ST6GALNAC3: variants seen among roughly 807,000 people sequenced by gnomAD.
The protein encoded by ST6GALNAC3 is ST6 N-acetylgalactosaminide alpha-2,6-sialyltransferase 3, also known as alpha-N-acetylgalactosaminide alpha-2,6-sialyltransferase 3.
Under a neutral mutation model 32.7 loss-of-function variants are expected in ST6GALNAC3, and 25 were observed. The observed-to-expected ratio is 0.76, with a 90% CI of 0.56 to 1.07. ST6GALNAC3 has a LOEUF of 1.07. ST6GALNAC3 is among the 50% of genes least tolerant of loss of function. The pLI is 0.00. For synonymous variants in ST6GALNAC3, 129 were observed against 133.1 expected, an observed-to-expected ratio of 0.97 and a Z score of 0.21; for missense variants, 355 against 382.4, an observed-to-expected ratio of 0.93 and a Z score of 0.60.
chr1:76,598,313 T>C (rs1237680931), intron 3 of ST6GALNAC3, among the ~76,000 whole-genome samples: 1 of 152,124 alleles, frequency 6.6e-6, no homozygotes, highest in African/African-American at 2.4e-5. Context: ...GCAACCAAGA[T>C]GGTGAATTCT....
At position 76,527,838 on chromosome 1, in the gene ST6GALNAC3, G is replaced by T. The variant is rs900851027; in HGVS notation, c.624-99614G>T. 2.0e-5 allele frequency among the ~76,000 whole-genome samples: 3 copies of T among 152,178 alleles called. No homozygotes were observed. In the East Asian group the frequency reaches 5.8e-4, roughly 29 times the overall value. On this transcript the variant is annotated intron_variant, in intron 3 of 4. Coordinates refer to ENST00000328299, the MANE Select transcript of ST6GALNAC3 (RefSeq NM_152996.4). ...CAAGACACCTGAAAAGGCCTTGATTGTCCCACATAAACTATAGGGAGGATA... is the reference window on the plus strand; with the variant it reads ...CAAGACACCTGAAAAGGCCTTGATTTTCCCACATAAACTATAGGGAGGATA...
chr1:76,547,699 A>G (rs1174496030), intron 3 of ST6GALNAC3, among the ~76,000 whole-genome samples: 1 of 151,986 alleles, frequency 6.6e-6, no homozygotes, highest in Non-Finnish European at 1.5e-5. Flanking sequence ...CTAAAAATAC[A>G]AAAAAGTAGC....
intron 1 of ST6GALNAC3, among the ~76,000 whole-genome samples, chr1:76,107,046 T>C (rs1438664199): frequency 1.3e-5 from 2 of 152,214 alleles, no homozygotes; most frequent in African/African-American, 2.4e-5. Flanking sequence ...CATGAGTTTA[T>C]GGAAAGAAAC....
intron 3 of ST6GALNAC3, among the ~76,000 whole-genome samples, chr1:76,527,173 C>T (rs899313943): frequency 2.0e-5 from 3 of 151,928 alleles, no homozygotes; most frequent in African/African-American, 7.3e-5. Context: ...TCAGCACATC[C>T]CCAGGTTTCG....
At chr1:76,374,932 C>A (rs1651105243) in intron 2 of ST6GALNAC3, among the ~76,000 whole-genome samples, 1 of 152,052 alleles carries the variant, frequency 6.6e-6, no homozygotes, top group Non-Finnish European at 1.5e-5. Context: ...CTGCAATGGG[C>A]ATTTGGATAT....
intron 2 of ST6GALNAC3, among the ~76,000 whole-genome samples, chr1:76,360,856 C>G (rs1165540960): frequency 1.3e-5 from 2 of 152,108 alleles, no homozygotes; most frequent in Non-Finnish European, 1.5e-5. Flanking sequence ...GTCAGAGTCT[C>G]AATTTCAAGG....
At chr1:76,445,003 A>T (rs73006152) in intron 3 of ST6GALNAC3, among the ~76,000 whole-genome samples, 1,696 of 152,306 alleles carry the variant, frequency 0.011, 30 homozygotes, top group African/African-American at 0.039. Context: ...ACCAGTACTG[A>T]CTAGAAAGTT....
At chr1:76,463,847 GT>G (rs149902196) in intron 3 of ST6GALNAC3, among the ~76,000 whole-genome samples, 1,922 of 152,206 alleles carry the variant, frequency 0.013, 41 homozygotes, top group African/African-American at 0.042. Flanking sequence ...ATCTGGTTAG[GT>G]TTAACCAGGG....
chr1:76,135,056 C>A lies in ST6GALNAC3; in HGVS notation c.18+60172C>A, dbSNP rs182988829. 1.8e-4 allele frequency among the ~76,000 whole-genome samples: 27 copies of A among 152,000 alleles called. No individual in the cohort carries two copies. The East Asian group carries it at 4.8e-3, about 27-fold the overall frequency. On this transcript the variant is annotated intron_variant, in intron 1 of 4. Transcript: ENST00000328299. ...ACTTGGAGGGCTGAGGCAGGAGAAT[C>A]ACTTGAACCCAGGAGGCAAAGGTTG...
At chr1:76,599,866 T>C (rs1216141200) in intron 3 of ST6GALNAC3, among the ~76,000 whole-genome samples, 2 of 152,014 alleles carry the variant, frequency 1.3e-5, no homozygotes, top group Admixed American at 1.3e-4. Context: ...CACACAATTT[T>C]CAGAATATAC....
intron 2 of ST6GALNAC3, among the ~76,000 whole-genome samples, chr1:76,393,524 A>G (rs755794721): frequency 7.2e-5 from 11 of 152,174 alleles, no homozygotes; most frequent in Non-Finnish European, 1.5e-4. Context: ...TTTTCTAAGT[A>G]GCATTTTTCT....
At chr1:76,553,185 G>A (rs557108347) in intron 3 of ST6GALNAC3, among the ~76,000 whole-genome samples, 3 of 152,254 alleles carry the variant, frequency 2.0e-5, no homozygotes, top group East Asian at 1.9e-4. Context: ...TTTTACATAA[G>A]TTGTTTTTAG....
At position 76,419,538 on chromosome 1, in the gene ST6GALNAC3, A is replaced by AT. The variant is rs539288208; in HGVS notation, c.623+7130dup. On this transcript the variant is annotated intron_variant, in intron 3 of 4. Coordinates refer to ENST00000328299, the MANE Select transcript of ST6GALNAC3 (RefSeq NM_152996.4). ...TTACAATTATTTCTCCTCTCCTTAG[A>AT]TTTTTTTTTGACCTATGCCTCCTTC... is the stretch of plus-strand genomic sequence containing the variant. Among the ~76,000 whole-genome samples the AT allele has an allele frequency of 8.6e-5, 13 of 151,374 alleles. No homozygotes were observed. The South Asian group carries it at 1.2e-3, about 15-fold the overall frequency.
At chr1:76,385,124 T>TA (rs904863250) in intron 2 of ST6GALNAC3, among the ~76,000 whole-genome samples, 9 of 151,864 alleles carry the variant, frequency 5.9e-5, no homozygotes, top group African/African-American at 9.7e-5. Context: ...AACACATGTT[T>TA]AAAAAAAACC....
rs183592876 is a variant in ST6GALNAC3, at chr1:76,201,366, C to T, written c.19-112439C>T. On this transcript the variant is annotated intron_variant, in intron 1 of 4. Transcript: ENST00000328299. ...TATCAAACAATCACATTGTGTGAGACTTACTCACTATCAATGAGAACAGCA... is the reference window on the plus strand; with the variant it reads ...TATCAAACAATCACATTGTGTGAGATTTACTCACTATCAATGAGAACAGCA... Among the ~76,000 whole-genome samples, 7 of 152,290 alleles carry T rather than the reference C, an allele frequency of 4.6e-5. No homozygotes were observed. In the East Asian group the frequency reaches 1.2e-3, roughly 25 times the overall value.
chr1:76,136,573 G>GTT (rs1649963160), intron 1 of ST6GALNAC3, among the ~76,000 whole-genome samples: 1 of 152,064 alleles, frequency 6.6e-6, no homozygotes, highest in African/African-American at 2.4e-5. Context: ...ATGTGTGTGT[G>GTT]TGTGCATAAA....
chr1:76,212,461 G>A (rs758292310), intron 1 of ST6GALNAC3, among the ~76,000 whole-genome samples: 1 of 151,938 alleles, frequency 6.6e-6, no homozygotes, highest in Non-Finnish European at 1.5e-5. Flanking sequence ...GGCAGCTTCC[G>A]TTTTTTTGAT....
intron 1 of ST6GALNAC3, among the ~76,000 whole-genome samples, chr1:76,113,920 G>C (rs1218141916): frequency 6.6e-6 from 1 of 151,442 alleles, no homozygotes; most frequent in Non-Finnish European, 1.5e-5. Flanking sequence ...CACCTCCCGG[G>C]TTCAAGCAAT....
At chr1:76,259,621 C>T (rs1398130199) in intron 1 of ST6GALNAC3, among the ~76,000 whole-genome samples, 1 of 152,114 alleles carries the variant, frequency 6.6e-6, no homozygotes, top group Non-Finnish European at 1.5e-5. Context: ...TTAAAAGCAA[C>T]CAACATTCTA....
Sources: allele counts gnomAD v4.1 joint callset (sites outside exome capture counted in the v4.1 genomes callset), GRCh38; gene constraint gnomAD v4.1.1; transcripts MANE v1.5; gene names NCBI Gene and HGNC (gene_info 2026-07-23, HGNC 2026-07-21).